The following TLR5 variants were observed in gnomAD, a reference collection of about 807,000 sequenced individuals.
The protein encoded by TLR5 is toll-like receptor 5.
For missense variants in TLR5, 944 were observed against 999.8 expected, an observed-to-expected ratio of 0.94 and a Z score of 0.75; for synonymous variants, 373 against 384.4, an observed-to-expected ratio of 0.97 and a Z score of 0.35.
Position 223,112,618 on chromosome 1 carries a change from A to G in TLR5, c.414T>C (p.Asp138=), listed in dbSNP as rs1242926995. Residue 138 remains aspartate (D), a synonymous_variant, in exon 6 of 6, where the codon GAT becomes GAC. Transcript: ENST00000642603. ...FCGLSDAVLK[D]GYFRNLKALT... is the part of the protein sequence containing the mutation. Reference sequence around the variant, plus strand: ...AAGCCTTTAAATTTCTGAAATAACCATCTTTCAATACAGCATCAGAGAGAC... The same window carrying G: ...AAGCCTTTAAATTTCTGAAATAACCGTCTTTCAATACAGCATCAGAGAGAC... 6.2e-7 allele frequency: 1 copy of G among 1,614,120 alleles called. No individual in the cohort carries two copies. Among genetic ancestry groups the G allele is most frequent in the African/African-American group, 1.3e-5 (1 of 74,946 alleles).
rs142952363 is a variant in TLR5 at position 223,113,161 on chromosome 1, T to G, written c.-4-126A>C. On this transcript the variant is annotated intron_variant, in intron 5 of 5. Transcript: ENST00000642603. ...CCTTTGACCCCTTCATTCCTCTGAC[T>G]CCACAGACGTGGCTGTTGGCAGATA... 2.9e-5 allele frequency: 26 copies of G among 895,914 alleles called. No homozygotes were observed. The African/African-American group carries it at 4.3e-4, about 15-fold the overall frequency. 55.5% of individuals were successfully genotyped at this position (895,914 alleles called of 1,614,324 possible). A position where few individuals can be genotyped will look rare whatever the true frequency, so the allele number is the denominator to read the frequency against.
chr1:223,114,272 C>G (rs935372820), intron 5 of TLR5, among the ~76,000 whole-genome samples: 1 of 152,164 alleles, frequency 6.6e-6, no homozygotes, highest in Non-Finnish European at 1.5e-5. Context: ...AAGTATTGTG[C>G]TGGGTGCTAT....
chr1:223,125,581 G>A (rs1004567789), intron 5 of TLR5, among the ~76,000 whole-genome samples: 5 of 151,768 alleles, frequency 3.3e-5, no homozygotes, highest in Admixed American at 2.6e-4. Context: ...TGCATTAAAT[G>A]AGCCTCTTTG....
intron 2 of TLR5, among the ~76,000 whole-genome samples, chr1:223,138,875 G>A (rs559026484): frequency 2.0e-5 from 3 of 152,294 alleles, no homozygotes; most frequent in Non-Finnish European, 4.4e-5. Context: ...ACGTGTTGAG[G>A]GAGGAACCCA....
chr1:223,123,956 T>G (rs1186114270), intron 5 of TLR5: 1 of 152,250 alleles, frequency 6.6e-6, no homozygotes, highest in Non-Finnish European at 1.5e-5. Context: ...GGCAGTGAGC[T>G]GCTCACTCAT....
chr1:223,116,217 G>A (rs1025195231), intron 5 of TLR5, among the ~76,000 whole-genome samples: 1 of 152,194 alleles, frequency 6.6e-6, no homozygotes, highest in Admixed American at 6.5e-5. Context: ...GAGTGAAGTC[G>A]TGGACCCTCA....
At chr1:223,126,837 A>G (rs779353495) in intron 5 of TLR5, 1 of 152,238 alleles carries the variant, frequency 6.6e-6, no homozygotes, top group Non-Finnish European at 1.5e-5. Flanking sequence ...AAACAGAACA[A>G]TCAATGCAGG....
At chr1:223,141,798 T>C (rs1262833966) in intron 1 of TLR5, 35 bp from the exon 2 acceptor site, 3 of 55,740 alleles carry the variant, frequency 5.4e-5, no homozygotes, top group Admixed American at 4.1e-4. Context: ...TATATATATA[T>C]ATATATATAT....
chr1:223,116,328 C>T (rs562534635), intron 5 of TLR5, among the ~76,000 whole-genome samples: 7 of 152,122 alleles, frequency 4.6e-5, no homozygotes, highest in African/African-American at 1.7e-4. Context: ...CTCATGGCCT[C>T]GCTGGCTTCA....
intron 5 of TLR5, among the ~76,000 whole-genome samples, chr1:223,116,296 G>A (rs1055988673): frequency 1.3e-5 from 2 of 152,054 alleles, no homozygotes; most frequent in South Asian, 2.1e-4. Flanking sequence ...GGACGTGTTC[G>A]GAGTTTCTTC....
chr1:223,133,488 C>T (rs1310338664), intron 4 of TLR5, among the ~76,000 whole-genome samples: 1 of 152,174 alleles, frequency 6.6e-6, no homozygotes, highest in East Asian at 1.9e-4. Context: ...CGTGATGCTG[C>T]TGCTGGTCCA....
Position 223,111,873 on chromosome 1 carries a change from G to A in TLR5, c.1159C>T (p.Gln387Ter), listed in dbSNP as rs147164861. The A allele has an allele frequency of 1.5e-4, 240 of 1,613,932 alleles. No homozygotes were observed. In the African/African-American group the frequency reaches 3.1e-3, roughly 21 times the overall value. The part of the protein sequence containing the change: ...DQTFKFLEKL[Q>*]TLDLRDNALT... The stretch of plus-strand genomic sequence containing the variant: ...GCATTGTCTCGGAGATCCAAGGTCT[G>A]TAATTTTTCCAGGAATTTGAATGTT... Residue 387 changes from glutamine (Q) to a stop codon, truncating the protein, a stop_gained, in exon 6 of 6, where the codon CAG becomes TAG. Coordinates refer to ENST00000642603, the MANE Select transcript of TLR5 (RefSeq NM_003268.6). LOFTEE classifies it low-confidence loss of function (END_TRUNC).
rs1344705387 is a variant in TLR5, at chr1:223,112,514, T to A, written c.518A>T (p.Lys173Met). Reference sequence around the variant, plus strand: ...TTGGTTGGAGGAAAAATCTATGGACTTTAAGGAATTCAACTTCCCAAATGA... The same window carrying A: ...TTGGTTGGAGGAAAAATCTATGGACATTAAGGAATTCAACTTCCCAAATGA... ...HPSFGKLNSLKSIDFSSNQIF... is the reference protein window; with the variant it reads ...HPSFGKLNSLMSIDFSSNQIF... The change falls in exon 6 of 6, where the codon AAG (lysine) becomes ATG (methionine). Residue 173 changes from lysine (K) to methionine (M), a missense_variant. Transcript: ENST00000642603. 6.2e-7 allele frequency: 1 copy of A among 1,614,132 alleles called. No homozygotes were observed. The highest frequency in any genetic ancestry group is 1.3e-5 in the African/African-American group (1 of 74,934).
In TLR5 at chr1:223,112,944, T is replaced by A; in HGVS notation, c.88A>T (p.Ile30Leu). The A allele has an allele frequency of 6.2e-7, 1 of 1,614,176 alleles. No homozygotes were observed. The highest frequency in any genetic ancestry group is 8.5e-7 in the Non-Finnish European group (1 of 1,180,026). The change falls in exon 6 of 6, where the codon ATA becomes TTA. Residue 30 changes from isoleucine (I) to leucine (L), a missense_variant. Transcript: ENST00000642603. ...GIPSCSFDGR[I>L]AFYRFCNLTQ... ...AGGTTGCAGAAACGATAAAAGGCTA[T>A]TCGGCCATCAAAGGAGCAGGAAGGA... is the stretch of plus-strand genomic sequence containing the variant.
chr1:223,113,191 CA>C (rs1656458466), intron 5 of TLR5, among the ~76,000 whole-genome samples, 156 bp from the exon 6 acceptor site: 1 of 152,156 alleles, frequency 6.6e-6, no homozygotes, highest in African/African-American at 2.4e-5. Flanking sequence ...CAGATACAGA[CA>C]AAACTATTCT....
In TLR5 at chr1:223,122,091, C is replaced by T. The variant is rs142790873; in HGVS notation, c.-4-9056G>A. Reference sequence around the variant, plus strand: ...AGAAACTCCTAAAGGCAAGCACCATCCCTCCTACCTCCAAGGTTTGGGACA... The same window carrying T: ...AGAAACTCCTAAAGGCAAGCACCATTCCTCCTACCTCCAAGGTTTGGGACA... On this transcript the variant is annotated intron_variant, in intron 5 of 5. Coordinates refer to ENST00000642603, the MANE Select transcript of TLR5 (RefSeq NM_003268.6). 6.9e-3 allele frequency among the ~76,000 whole-genome samples: 1,046 copies of T among 152,282 alleles called. 5 individuals carry two copies. The highest frequency in any genetic ancestry group is 0.014 in the Middle Eastern group (4 of 294).
Position 223,110,975 on chromosome 1 carries a change from G to A in TLR5, c.2057C>T (p.Thr686Ile). 1 of 1,614,246 alleles carries A rather than the reference G, an allele frequency of 6.2e-7. No homozygotes were observed. The highest frequency in any genetic ancestry group is 1.1e-5 in the South Asian group (1 of 91,086). The part of the protein sequence containing the change: ...RLVFKDHPQG[T>I]EPDMYKYDAY... ...ATCATATTTGTACATATCAGGTTCT[G>A]TGCCCTGGGGATGGTCCTTGAACAC... Residue 686 changes from threonine (T) to isoleucine (I), a missense_variant, in exon 6 of 6, where the codon ACA (threonine) becomes ATA (isoleucine). By Grantham distance (89) the Thr-to-Ile change is moderately conservative. Coordinates refer to ENST00000642603, the MANE Select transcript of TLR5 (RefSeq NM_003268.6).
intron 1 of TLR5, 85 bp from the exon 2 acceptor site, chr1:223,141,848 G>GAGAGAGAGAGAA (rs1553271506): frequency 2.3e-4 from 31 of 135,390 alleles, no homozygotes; most frequent in African/African-American, 7.1e-4. Context: ...GAGAGAGAGA[G>GAGAGAGAGAGAA]AGAGAGAGAA....
intron 5 of TLR5, among the ~76,000 whole-genome samples, chr1:223,115,415 A>G (rs1333051949): frequency 1.3e-5 from 2 of 152,048 alleles, no homozygotes; most frequent in African/African-American, 2.4e-5. Flanking sequence ...ACGCCCAGCT[A>G]ATTTTTGTAT....
Sources: allele counts gnomAD v4.1 joint callset (sites outside exome capture counted in the v4.1 genomes callset), GRCh38; gene constraint gnomAD v4.1.1; transcripts MANE v1.5; gene names NCBI Gene and HGNC (gene_info 2026-07-23, HGNC 2026-07-21).